SYNE1: variants seen among roughly 807,000 people sequenced by gnomAD.
SYNE1 encodes spectrin repeat containing nuclear envelope protein 1.
In SYNE1, 616 loss-of-function variants were observed where a neutral mutation model predicts 1,111.0. The ratio of observed to expected loss-of-function variants is 0.55; its 90% CI spans 0.52 to 0.59. The LOEUF (loss-of-function observed/expected upper bound fraction) is 0.59, where lower values mean the gene tolerates loss of function less well. SYNE1 is among the 20% of genes least tolerant of loss of function. The pLI is 0.00. For synonymous variants in SYNE1, 3,855 were observed against 3,825.8 expected (o/e 1.01, Z -0.28); for missense variants, 10,006 against 10,417.0 (o/e 0.96, Z 1.72).
Position 152,144,335 on chromosome 6 carries a change from G to A in SYNE1, c.24977-570C>T, listed in dbSNP as rs181563003. On this transcript the variant is annotated intron_variant, in intron 137 of 145. Coordinates refer to ENST00000367255, the MANE Select transcript of SYNE1 (RefSeq NM_182961.4). ...TATACAGAGATATCAAACTAGCAAC[G>A]ACTTGCTTTTTATCTAAGATCTGAA... The A allele has an allele frequency of 3.1e-3, 480 of 154,848 alleles. 4 individuals carry two copies. The highest frequency in any genetic ancestry group is 7.4e-3 in the South Asian group (37 of 4,976). The allele number at this position is 154,848 out of a possible 1,614,324, so 9.6% of individuals were successfully genotyped here.
intron 3 of SYNE1, among the ~76,000 whole-genome samples, chr6:152,615,835 T>A (rs1163225493): frequency 6.6e-6 from 1 of 152,244 alleles, no homozygotes; most frequent in Non-Finnish European, 1.5e-5. Flanking sequence ...ACCTTTTGAC[T>A]TTTACAGACA....
chr6:152,326,522 G>A lies in SYNE1; in HGVS notation c.15067C>T (p.Leu5023=). ...QELLQLAGNG[L]DVESAEENLK... ...TTTTCCTCTGCGCTCTCCACGTCTA[G>A]GCCATTGCCTGCCAGCTGTAACAAT... Residue 5023 remains leucine (L), a synonymous_variant, in exon 79 of 146, where the codon CTA becomes TTA. Coordinates refer to ENST00000367255, the MANE Select transcript of SYNE1 (RefSeq NM_182961.4). The A allele has an allele frequency of 6.2e-7, 1 of 1,614,170 alleles. No individual in the cohort carries two copies. The highest frequency in any genetic ancestry group is 8.5e-7 in the Non-Finnish European group (1 of 1,180,044).
intron 145 of SYNE1, chr6:152,127,166 T>C (rs1247911396): frequency 6.6e-6 from 1 of 152,114 alleles, no homozygotes; most frequent in African/African-American, 2.4e-5. Flanking sequence ...TGGCCTCAGC[T>C]CTAAAACCAT....
At chr6:152,525,973 T>C in intron 5 of SYNE1, 107 bp downstream of exon 5, 3 of 998,094 alleles carry the variant, frequency 3.0e-6, no homozygotes, top group Non-Finnish European at 4.7e-6. Flanking sequence ...CCACGACAAA[T>C]AACTTTCTTT....
rs923336181 is a variant in SYNE1 at position 152,629,540 on chromosome 6, G to T, written c.-223-986C>A. Among the ~76,000 whole-genome samples, 354 of 118,298 alleles carry T rather than the reference G, an allele frequency of 3.0e-3. 2 individuals are homozygous for T. Among genetic ancestry groups the T allele is most frequent in the Non-Finnish European group, 5.1e-3 (277 of 54,676 alleles). 77.6% of individuals were successfully genotyped at this position (118,298 alleles called of 152,430 possible). A position where few individuals can be genotyped will look rare whatever the true frequency, so the allele number is the denominator to read the frequency against. The stretch of plus-strand genomic sequence containing the variant: ...TCATTGCCGGGGGGGGGGGGGGGAG[G>T]GGGAGGGGAGGAGGGGGTGCAGTGG... On this transcript the variant is annotated intron_variant, in intron 2 of 145. Transcript: ENST00000367255.
At chr6:152,579,948 G>A (rs566933662) in intron 3 of SYNE1, among the ~76,000 whole-genome samples, 14 of 152,232 alleles carry the variant, frequency 9.2e-5, no homozygotes, top group Non-Finnish European at 1.5e-4. Flanking sequence ...ATGTCTTTGC[G>A]ATTGTGAAGA....
intron 99 of SYNE1, 104 bp from the exon 100 acceptor site, chr6:152,268,269 CT>C: frequency 2.2e-6 from 2 of 895,834 alleles, no homozygotes; most frequent in South Asian, 1.4e-5. Flanking sequence ...CGGTAGTGAG[CT>C]TTTAAGTTTG....
At chr6:152,407,923 G>A (rs944750304) in intron 44 of SYNE1, among the ~76,000 whole-genome samples, 2 of 151,452 alleles carry the variant, frequency 1.3e-5, no homozygotes, top group African/African-American at 4.9e-5. Context: ...CACCACGCCC[G>A]GCTAATTTTT....
At chr6:152,400,712 A>C (rs1420031275) in intron 47 of SYNE1, among the ~76,000 whole-genome samples, 1 of 152,158 alleles carries the variant, frequency 6.6e-6, no homozygotes, top group East Asian at 1.9e-4. Context: ...TGTTTTCTCA[A>C]CTTCTTCTTT....
intron 121 of SYNE1, 64 bp from the exon 122 acceptor site, chr6:152,215,124 T>C: frequency 1.3e-6 from 2 of 1,580,996 alleles, no homozygotes; most frequent in South Asian, 1.1e-5. Flanking sequence ...TTTTTCAAAG[T>C]GCGCAGTGAA....
intron 58 of SYNE1, among the ~76,000 whole-genome samples, chr6:152,373,662 T>C (rs2097228043): frequency 8.0e-6 from 1 of 124,234 alleles, no homozygotes; most frequent in South Asian, 2.5e-4. Context: ...TATCCTTTAA[T>C]AGTCAAGTTG....
intron 140 of SYNE1, among the ~76,000 whole-genome samples, chr6:152,139,717 A>AAAAGAAAGAAAGAAAAAGAAAGAAAG: frequency 0.011 from 1,066 of 95,438 alleles, 79 homozygotes; most frequent in African/African-American, 0.044. Flanking sequence ...AAAAGAAAGA[A>AAAAGAAAGAAAGAAAAAGAAAGAAAG]AAAGAAAGAA....
At chr6:152,456,654 C>CA (rs1179982357) in intron 22 of SYNE1, 4 of 424,052 alleles carry the variant, frequency 9.4e-6, no homozygotes, top group Non-Finnish European at 1.9e-5. Flanking sequence ...GGACAAGATG[C>CA]AATGGTGACT....
At chr6:152,203,707 C>T (rs11755392) in intron 126 of SYNE1, among the ~76,000 whole-genome samples, 11,796 of 151,666 alleles carry the variant, frequency 0.078, 597 homozygotes, top group African/African-American at 0.14. Flanking sequence ...GACTAAAGTG[C>T]CCCCTTACTC....
chr6:152,129,885 C>T (rs2054922604), intron 145 of SYNE1, among the ~76,000 whole-genome samples: 1 of 152,200 alleles, frequency 6.6e-6, no homozygotes, highest in Admixed American at 6.5e-5. Flanking sequence ...TGAAAACAGG[C>T]TCCGAGGACA....
At chr6:152,572,641 T>A (rs897988688) in intron 3 of SYNE1, among the ~76,000 whole-genome samples, 28 of 152,204 alleles carry the variant, frequency 1.8e-4, no homozygotes, top group African/African-American at 6.5e-4. Flanking sequence ...TCCTCTGCAG[T>A]TGGAAAGATT....
chr6:152,484,276 T>C (rs1177095700), intron 13 of SYNE1, among the ~76,000 whole-genome samples: 1 of 152,070 alleles, frequency 6.6e-6, no homozygotes, highest in African/African-American at 2.4e-5. Context: ...TTATTAGTGA[T>C]AGAAGTGTTC....
At chr6:152,525,748 G>A (rs1332562289) in intron 5 of SYNE1, among the ~76,000 whole-genome samples, 1 of 152,162 alleles carries the variant, frequency 6.6e-6, no homozygotes, top group Non-Finnish European at 1.5e-5. Flanking sequence ...TTAAAGTGAG[G>A]AAGATGGTAA....
chr6:152,473,385 T>G (rs1223706173), intron 14 of SYNE1, among the ~76,000 whole-genome samples: 6 of 152,188 alleles, frequency 3.9e-5, no homozygotes, highest in Admixed American at 1.3e-4. Flanking sequence ...CAGCCTAAAA[T>G]CAAGAGACAC....
Sources: gnomAD v4.1 joint callset for allele counts (sites outside exome capture counted in the v4.1 genomes callset) on GRCh38, gnomAD v4.1.1 for gene constraint, MANE v1.5 for transcripts, NCBI Gene and HGNC (gene_info 2026-07-23, HGNC 2026-07-21) for gene names.